The following ASB15 variants were observed in gnomAD, a reference collection of about 807,000 sequenced individuals.
ASB15 encodes the protein ankyrin repeat and SOCS box containing 15, also known as ankyrin repeat and SOCS box protein 15.
In ASB15, 54 loss-of-function variants were observed where a neutral mutation model predicts 58.0. The ratio of observed to expected loss-of-function variants is 0.93; its 90% confidence interval spans 0.75 to 1.17. ASB15 has a LOEUF of 1.17. ASB15 is among the 50% of genes most tolerant of loss of function. The probability of loss-of-function intolerance (pLI) is 0.00; values close to 1 mark genes in which losing one functional copy is unlikely to be tolerated. For synonymous variants in ASB15, 249 were observed against 262.4 expected (o/e 0.95, Z 0.50); for missense variants, 680 against 707.4 (o/e 0.96, Z 0.44).
intron 10 of ASB15, 61 bp from the exon 11 acceptor site, chr7:123,629,905 T>A: frequency 9.0e-7 from 1 of 1,113,744 alleles, no homozygotes; most frequent in Non-Finnish European, 1.2e-6. Flanking sequence ...ATAACACAAT[T>A]GAGTGTTTAT....
chr7:123,603,033 CT>C (rs534182453), intron 1 of ASB15, among the ~76,000 whole-genome samples: 186 of 152,210 alleles, frequency 1.2e-3, no homozygotes, highest in Non-Finnish European at 2.3e-3. Context: ...AGTGTAATCC[CT>C]ATCACAGGTA....
At chr7:123,600,922 A>G (rs1351200155), upstream of ASB15, among the ~76,000 whole-genome samples, 2 of 152,216 alleles carry the variant, frequency 1.3e-5, no homozygotes, top group Non-Finnish European at 2.9e-5. Flanking sequence ...GTTTCAGGAA[A>G]AAGGGAAGAA....
chr7:123,584,828 A>G (rs899128200), intron 1 of ASB15: 1 of 151,950 alleles, frequency 6.6e-6, no homozygotes, highest in African/African-American at 2.4e-5. Context: ...CATTAGTTCA[A>G]AAGAAAAGTT....
intron 1 of ASB15, among the ~76,000 whole-genome samples, chr7:123,576,380 T>C (rs964695798): frequency 1.3e-5 from 2 of 152,110 alleles, no homozygotes; most frequent in African/African-American, 4.8e-5. Context: ...TATATGATCA[T>C]AATTTTCATC....
rs750199645 is a variant in ASB15, at chr7:123,628,976, A to G, written c.982A>G (p.Ile328Val). ...AAATGCACAGTGTCTAGAACTGCTC[A>G]TTGAAAATGGTTTTGATGTCAACAC... ...GQNAQCLELL[I>V]ENGFDVNTLL... The change falls in exon 10 of 12, where the codon ATT (isoleucine) becomes GTT (valine). Residue 328 changes from isoleucine (I) to valine (V), a missense_variant. Transcript: ENST00000451215. 2 of 1,613,334 alleles carry G rather than the reference A, an allele frequency of 1.2e-6. No homozygotes were observed. Among genetic ancestry groups the G allele is most frequent in the Non-Finnish European group, 8.5e-7 (1 of 1,179,266 alleles).
chr7:123,600,088 G>A (rs988107104), upstream of ASB15, among the ~76,000 whole-genome samples: 1 of 152,082 alleles, frequency 6.6e-6, no homozygotes, highest in African/African-American at 2.4e-5. Flanking sequence ...ACTACTTGAG[G>A]AATAGGCCTC....
intron 1 of ASB15, among the ~76,000 whole-genome samples, chr7:123,585,624 A>C (rs1490580016): frequency 6.8e-6 from 1 of 145,996 alleles, no homozygotes; most frequent in Non-Finnish European, 1.5e-5. Flanking sequence ...ATCACCTTAC[A>C]TAGTTACTAT....
chr7:123,594,930 C>T (rs935641007), intron 1 of ASB15, among the ~76,000 whole-genome samples: 1 of 152,160 alleles, frequency 6.6e-6, no homozygotes, highest in Admixed American at 6.5e-5. Context: ...GCTGAGCAGC[C>T]GTGTGCTCCA....
chr7:123,590,756 T>C (rs1476083140), intron 1 of ASB15, among the ~76,000 whole-genome samples: 1 of 152,154 alleles, frequency 6.6e-6, no homozygotes, highest in Admixed American at 6.5e-5. Context: ...TTGTTCTATT[T>C]GCTTAGGATT....
At chr7:123,590,775 T>G (rs200001049) in intron 1 of ASB15, among the ~76,000 whole-genome samples, 4 of 152,258 alleles carry the variant, frequency 2.6e-5, no homozygotes, top group Middle Eastern at 3.4e-3. Flanking sequence ...TTGTCTTGGC[T>G]ATGCGGGCTC....
At chr7:123,610,779 A>T (rs1254791407) in intron 3 of ASB15, among the ~76,000 whole-genome samples, 2 of 152,208 alleles carry the variant, frequency 1.3e-5, no homozygotes, top group African/African-American at 4.8e-5. Context: ...ACTTATGGAG[A>T]ACAAATGATT....
chr7:123,580,520 T>C (rs1799197591), intron 1 of ASB15, among the ~76,000 whole-genome samples: 1 of 152,014 alleles, frequency 6.6e-6, no homozygotes, highest in Non-Finnish European at 1.5e-5. Flanking sequence ...TGAAAAATGG[T>C]CACAATAATA....
intron 1 of ASB15, among the ~76,000 whole-genome samples, chr7:123,574,891 A>T (rs1333402465): frequency 1.3e-5 from 2 of 152,078 alleles, no homozygotes; most frequent in Middle Eastern, 3.4e-3. Flanking sequence ...ACTTTACTGG[A>T]TCTACATCAT....
chr7:123,624,732 G>A lies in ASB15; in HGVS notation c.615G>A (p.Leu205=), dbSNP rs1161364278. 24 of 1,614,142 alleles carry A rather than the reference G, an allele frequency of 1.5e-5. No homozygotes were observed. The highest frequency in any genetic ancestry group is 1.9e-5 in the Non-Finnish European group (23 of 1,179,978). The stretch of plus-strand genomic sequence containing the variant: ...TGAAACATGGAGGCAATGTCCACCT[G>A]AGAGATGGATTTGGAGTCACACCAC... The part of the protein sequence containing the change: ...LLLKHGGNVH[L]RDGFGVTPLG... Residue 205 remains leucine (L), a synonymous_variant, in exon 8 of 12, where the codon CTG becomes CTA. Transcript: ENST00000451215.
At chr7:123,627,804 C>T (rs1003886042) in intron 9 of ASB15, among the ~76,000 whole-genome samples, 3 of 152,094 alleles carry the variant, frequency 2.0e-5, no homozygotes, top group East Asian at 3.8e-4. Context: ...ACAAAATGTA[C>T]ATAATTAACA....
Position 123,637,103 on chromosome 7 carries a change from GTTATCA to G in ASB15, c.*124_*129del. 1 of 659,620 alleles carries G rather than the reference GTTATCA, an allele frequency of 1.5e-6. No homozygotes were observed. The highest frequency in any genetic ancestry group is 2.5e-6 in the Non-Finnish European group (1 of 401,690). 40.9% of individuals were successfully genotyped at this position (659,620 alleles called of 1,614,324 possible). ...TTTAAATTCATTGACAGTTTTATAG[GTTATCA>G]TGTGTTCTTATGGGAACACCATGAT... On this transcript the variant is annotated 3_prime_UTR_variant, in exon 12 of 12. Transcript: ENST00000451215.
chr7:123,569,915 A>G (rs542731479), intron 1 of ASB15, among the ~76,000 whole-genome samples: 1 of 152,324 alleles, frequency 6.6e-6, no homozygotes, highest in South Asian at 2.1e-4. Context: ...GACAATTAGA[A>G]GTTAGAAGCA....
intron 1 of ASB15, among the ~76,000 whole-genome samples, chr7:123,585,184 T>A (rs1404501283): frequency 6.6e-6 from 1 of 151,856 alleles, no homozygotes; most frequent in African/African-American, 2.4e-5. Flanking sequence ...AGAATTCAAA[T>A]AATCTTGCAT....
At chr7:123,575,866 A>G (rs1476184784) in intron 1 of ASB15, among the ~76,000 whole-genome samples, 9 of 140,968 alleles carry the variant, frequency 6.4e-5, no homozygotes, top group Non-Finnish European at 1.4e-4. Flanking sequence ...ATGTCTCCAT[A>G]TCAAATTTTT....
Sources: allele counts gnomAD v4.1 joint callset (sites outside exome capture counted in the v4.1 genomes callset), GRCh38; gene constraint gnomAD v4.1.1; transcripts MANE v1.5; gene names NCBI Gene and HGNC (gene_info 2026-07-23, HGNC 2026-07-21).